The following PMS1 variants were observed in gnomAD, a reference collection of about 807,000 sequenced individuals.
The protein encoded by PMS1 is PMS1 homolog 1, mismatch repair system component, also known as PMS1 protein homolog 1.
In PMS1, 79 loss-of-function variants were observed where a neutral mutation model predicts 93.1. The ratio of observed to expected loss-of-function variants is 0.85; its 90% confidence interval spans 0.71 to 1.02. PMS1 has a LOEUF of 1.02. PMS1 is among the 50% of genes least tolerant of loss of function. The probability of loss-of-function intolerance (pLI) is 0.00; values close to 1 mark genes in which losing one functional copy is unlikely to be tolerated. For missense variants in PMS1, 1,064 were observed against 1,085.3 expected (o/e 0.98, Z 0.28); for synonymous variants, 335 against 363.4 (o/e 0.92, Z 0.89).
At chr2:189,850,811 A>G (rs2054626253) in intron 6 of PMS1, among the ~76,000 whole-genome samples, 1 of 152,154 alleles carries the variant, frequency 6.6e-6, no homozygotes, top group African/African-American at 2.4e-5. Context: ...AGGGAGTCAA[A>G]TAAGAGAAGG....
At chr2:189,787,277 G>C (rs535816206) in intron 1 of PMS1, among the ~76,000 whole-genome samples, 2 of 152,126 alleles carry the variant, frequency 1.3e-5, no homozygotes, top group African/African-American at 4.8e-5. Context: ...TAATGTTTGC[G>C]TTAGCATAAG....
chr2:189,805,610 A>G (rs747261936), intron 3 of PMS1, 42 bp from the exon 4 acceptor site: 5 of 1,440,522 alleles, frequency 3.5e-6, no homozygotes, highest in Non-Finnish European at 4.9e-6. Flanking sequence ...ACCCATCGCA[A>G]TATCTAAAGT....
chr2:189,855,189 A>C, intron 9 of PMS1, 61 bp downstream of exon 9: 1 of 1,402,374 alleles, frequency 7.1e-7, no homozygotes, highest in Non-Finnish European at 1.0e-6. Context: ...TATATGACTC[A>C]CTGTTTAAAA....
intron 11 of PMS1, among the ~76,000 whole-genome samples, chr2:189,872,096 A>C (rs951854195): frequency 2.6e-5 from 4 of 152,174 alleles, no homozygotes; most frequent in Admixed American, 2.6e-4. Context: ...CACCTTTAAC[A>C]GTAGAGGTCA....
chr2:189,828,888 A>G (rs530519066), intron 5 of PMS1, among the ~76,000 whole-genome samples: 42 of 63,338 alleles, frequency 6.6e-4, no homozygotes, highest in African/African-American at 6.6e-3. Context: ...TGTGTCTCTG[A>G]AAAAAAAAAA....
Position 189,854,560 on chromosome 2 carries a change from A to G in PMS1, c.1288A>G (p.Lys430Glu). 1.2e-6 allele frequency: 2 copies of G among 1,613,354 alleles called. No individual in the cohort carries two copies. Among genetic ancestry groups the G allele is most frequent in the Non-Finnish European group, 1.7e-6 (2 of 1,179,406 alleles). Reference protein sequence around the residue: ...HCSSEISNIDKNTKNAFQDIS... With the variant: ...HCSSEISNIDENTKNAFQDIS... Reference sequence around the variant, plus strand: ...TAGTAGTGAAATTTCTAACATTGATAAAAACACTAAGAATGCATTTCAGGA... The same window carrying G: ...TAGTAGTGAAATTTCTAACATTGATGAAAACACTAAGAATGCATTTCAGGA... The change falls in exon 9 of 13, where the codon AAA (lysine) becomes GAA (glutamate). Residue 430 changes from lysine to glutamate, a missense_variant. Physicochemically the swap from Lys to Glu is moderately conservative, Grantham distance 56 (BLOSUM62 1). Coordinates refer to ENST00000441310, the MANE Select transcript of PMS1 (RefSeq NM_000534.5).
chr2:189,877,415 C>G lies in PMS1; in HGVS notation c.2778C>G (p.Thr926=). The part of the protein sequence containing the change: ...VHGRPFFHHL[T]YLPETT The stretch of plus-strand genomic sequence containing the variant: ...GTCGCCCATTTTTTCATCATTTAAC[C>G]TATCTTCCAGAAACTACATGATTAA... The change falls in exon 13 of 13, where the codon ACC becomes ACG. Residue 926 remains threonine (T), a synonymous_variant. Transcript: ENST00000441310. 2 of 1,611,768 alleles carry G rather than the reference C, an allele frequency of 1.2e-6. No homozygotes were observed. The highest frequency in any genetic ancestry group is 1.7e-6 in the Non-Finnish European group (2 of 1,177,966).
At chr2:189,838,901 C>T (rs1383975243) in intron 5 of PMS1, among the ~76,000 whole-genome samples, 1 of 152,168 alleles carries the variant, frequency 6.6e-6, no homozygotes, top group Non-Finnish European at 1.5e-5. Flanking sequence ...CCTCAGGTCA[C>T]CTATCGGAAT....
intron 2 of PMS1, 28 bp downstream of exon 2, chr2:189,791,969 T>A: frequency 6.2e-7 from 1 of 1,607,024 alleles, no homozygotes; most frequent in African/African-American, 1.3e-5. Context: ...CCCAAATACC[T>A]TTAAGACAAA....
intron 5 of PMS1, among the ~76,000 whole-genome samples, chr2:189,829,733 G>A (rs2052755616): frequency 6.6e-6 from 1 of 152,146 alleles, no homozygotes; most frequent in Non-Finnish European, 1.5e-5. Flanking sequence ...CAGCAAACCA[G>A]AAGCCTTAGG....
In PMS1 at chr2:189,877,406, T is replaced by A. The variant is rs778563772; in HGVS notation, c.2769T>A (p.His923Gln). The change falls in exon 13 of 13, where the codon CAT becomes CAA. Residue 923 changes from histidine (H) to glutamine (Q), a missense_variant. By Grantham distance (24) the His-to-Gln change is conservative. Coordinates refer to ENST00000441310, the MANE Select transcript of PMS1 (RefSeq NM_000534.5). ...GTGTTCATGGTCGCCCATTTTTTCA[T>A]CATTTAACCTATCTTCCAGAAACTA... ...KECVHGRPFF[H>Q]HLTYLPETT The A allele has an allele frequency of 9.3e-6, 15 of 1,612,690 alleles. 1 individual carries two copies. In the South Asian group the frequency reaches 1.5e-4, roughly 17 times the overall value.
chr2:189,848,494 G>A (rs919503108), intron 6 of PMS1, among the ~76,000 whole-genome samples: 3 of 152,128 alleles, frequency 2.0e-5, no homozygotes, highest in Non-Finnish European at 4.4e-5. Context: ...CCTCCCATCT[G>A]TTTTGAGATG....
chr2:189,848,112 C>T (rs1332349982), intron 6 of PMS1, among the ~76,000 whole-genome samples: 5 of 152,166 alleles, frequency 3.3e-5, no homozygotes, highest in African/African-American at 1.2e-4. Flanking sequence ...CGGTCGCTGA[C>T]TTGGGATGGC....
At chr2:189,844,256 C>A (rs5743112) in intron 6 of PMS1, among the ~76,000 whole-genome samples, 176 bp downstream of exon 6, 15,726 of 152,200 alleles carry the variant, frequency 0.1, 1,167 homozygotes, top group East Asian at 0.2. Context: ...CCCAGCCCTG[C>A]TTCCCTTTTT....
At chr2:189,836,147 A>C (rs2053368153) in intron 5 of PMS1, among the ~76,000 whole-genome samples, 1 of 152,208 alleles carries the variant, frequency 6.6e-6, no homozygotes, top group Non-Finnish European at 1.5e-5. Flanking sequence ...TTTATCACAA[A>C]TTGCCTTTAC....
At chr2:189,862,500 A>G (rs1033040207) in intron 9 of PMS1, among the ~76,000 whole-genome samples, 2 of 152,134 alleles carry the variant, frequency 1.3e-5, no homozygotes, top group Non-Finnish European at 2.9e-5. Flanking sequence ...TCTTTTGACC[A>G]TGACTCTCAT....
chr2:189,876,351 G>A (rs1304464555), intron 12 of PMS1, among the ~76,000 whole-genome samples: 1 of 152,168 alleles, frequency 6.6e-6, no homozygotes, highest in African/African-American at 2.4e-5. Flanking sequence ...GGGATCTTAA[G>A]AGTTAACATT....
At chr2:189,805,241 G>T (rs1000676685) in intron 3 of PMS1, among the ~76,000 whole-genome samples, 2 of 151,974 alleles carry the variant, frequency 1.3e-5, no homozygotes, top group African/African-American at 4.8e-5. Flanking sequence ...AATAAAGAAG[G>T]GGGAGGGAAT....
In PMS1 at chr2:189,818,054, A is replaced by G; in HGVS notation, c.456A>G (p.Leu152=). The G allele has an allele frequency of 6.2e-7, 1 of 1,609,414 alleles. No homozygotes were observed. Among genetic ancestry groups the G allele is most frequent in the Non-Finnish European group, 8.5e-7 (1 of 1,176,114 alleles). ...CTGCTTTAAGATTATTTAAGAATCT[A>G]CCTGTAAGAAAGCAGTTTTACTCAA... ...TVTALRLFKN[L]PVRKQFYSTA... is the part of the protein sequence containing the mutation. The change falls in exon 5 of 13, where the codon CTA becomes CTG. Residue 152 remains leucine (L), a synonymous_variant. Transcript: ENST00000441310.
Sources: gnomAD v4.1 joint callset for allele counts (sites outside exome capture counted in the v4.1 genomes callset) on GRCh38, gnomAD v4.1.1 for gene constraint, MANE v1.5 for transcripts, NCBI Gene and HGNC (gene_info 2026-07-23, HGNC 2026-07-21) for gene names.